Variants in PTPRM observed in about 807,000 individuals in gnomAD.
The protein encoded by PTPRM is protein tyrosine phosphatase receptor type M.
In PTPRM, 47 loss-of-function variants were observed where a neutral mutation model predicts 186.7. The observed-to-expected ratio is 0.25, with a 90% confidence interval of 0.20 to 0.32. The LOEUF is 0.32. Ranked by LOEUF, PTPRM falls within the 10% of genes least tolerant of loss-of-function variation. The pLI, the probability that PTPRM is intolerant of heterozygous loss-of-function variation, is 1.00. For synonymous variants in PTPRM, 668 were observed against 674.9 expected (o/e 0.99, Z 0.16); for missense variants, 1,494 against 1,865.0 (o/e 0.80, Z 3.66).
chr18:7,662,622 A>C (rs2039005986), intron 1 of PTPRM, among the ~76,000 whole-genome samples: 3 of 152,176 alleles, frequency 2.0e-5, no homozygotes, highest in African/African-American at 7.2e-5. Context: ...AAAAATAGAA[A>C]GAATGAATAA....
chr18:7,583,459 T>C (rs75036447), intron 1 of PTPRM, among the ~76,000 whole-genome samples: 6,281 of 152,284 alleles, frequency 0.041, 147 homozygotes, highest in South Asian at 0.085. Flanking sequence ...CTTGTCCCTG[T>C]CTGTTGGGTC....
intron 20 of PTPRM, among the ~76,000 whole-genome samples, chr18:8,304,444 T>C (rs903889269): frequency 2.6e-5 from 4 of 152,168 alleles, no homozygotes; most frequent in African/African-American, 9.7e-5. Context: ...TATGTGCCTG[T>C]TTCTTACCCA....
At chr18:8,248,652 G>GA (rs1050726649) in intron 17 of PTPRM, among the ~76,000 whole-genome samples, 6 of 152,154 alleles carry the variant, frequency 3.9e-5, no homozygotes, top group African/African-American at 1.4e-4. Context: ...ATGTCATGCA[G>GA]AAAAATGATC....
intron 13 of PTPRM, among the ~76,000 whole-genome samples, chr18:8,138,346 C>T (rs183840323): frequency 1.3e-4 from 20 of 152,152 alleles, no homozygotes; most frequent in Admixed American, 3.9e-4. Context: ...CAGGATTGCT[C>T]TCACTGGCCC....
intron 11 of PTPRM, among the ~76,000 whole-genome samples, chr18:8,092,558 G>A (rs1213063129): frequency 1.3e-5 from 2 of 152,130 alleles, no homozygotes; most frequent in African/African-American, 4.8e-5. Context: ...ATTAGAGACA[G>A]GATGCACAGT....
chr18:7,581,832 A>T (rs2036853781), intron 1 of PTPRM, among the ~76,000 whole-genome samples: 1 of 151,416 alleles, frequency 6.6e-6, no homozygotes, highest in Admixed American at 6.6e-5. Flanking sequence ...CTTCACAAAA[A>T]TTTTTTTTGA....
intron 3 of PTPRM, 33 bp from the exon 4 acceptor site, chr18:7,906,472 A>G: frequency 6.5e-7 from 1 of 1,531,214 alleles, no homozygotes; most frequent in Non-Finnish European, 9.1e-7. Flanking sequence ...AGACAAAATG[A>G]ATAAATAATG....
chr18:8,378,167 G>A, intron 26 of PTPRM, 98 bp from the exon 27 acceptor site: 1 of 1,265,620 alleles, frequency 7.9e-7, no homozygotes. Context: ...TGGAGGAACT[G>A]TCTCCACTCT....
chr18:7,679,065 T>A (rs1233811617), intron 1 of PTPRM, among the ~76,000 whole-genome samples: 1 of 152,218 alleles, frequency 6.6e-6, no homozygotes, highest in African/African-American at 2.4e-5. Context: ...TCTTTTAATG[T>A]TTTTCTAATC....
At chr18:8,077,584 C>G (rs1018983743) in intron 9 of PTPRM, among the ~76,000 whole-genome samples, 2 of 152,136 alleles carry the variant, frequency 1.3e-5, no homozygotes, top group South Asian at 4.1e-4. Context: ...ATTCATGGCT[C>G]AGCTTTTATA....
intron 7 of PTPRM, among the ~76,000 whole-genome samples, chr18:7,990,183 C>T (rs2083188732): frequency 6.6e-6 from 1 of 152,190 alleles, no homozygotes; most frequent in African/African-American, 2.4e-5. Flanking sequence ...GGATTACAGG[C>T]ATGAGCCACT....
chr18:7,617,099 A>T (rs1567985756), intron 1 of PTPRM, among the ~76,000 whole-genome samples: 1 of 152,212 alleles, frequency 6.6e-6, no homozygotes, highest in Non-Finnish European at 1.5e-5. Context: ...CCCTCTTTCC[A>T]GTAGAGAATA....
chr18:8,273,651 C>T (rs912374346), intron 19 of PTPRM, among the ~76,000 whole-genome samples: 2 of 152,176 alleles, frequency 1.3e-5, no homozygotes, highest in African/African-American at 4.8e-5. Context: ...CCAGTAAAAA[C>T]ATATTCTCAG....
chr18:8,212,029 G>C (rs1030167019), intron 14 of PTPRM, among the ~76,000 whole-genome samples: 2 of 152,106 alleles, frequency 1.3e-5, no homozygotes, highest in Admixed American at 1.3e-4. Flanking sequence ...CTGGCTGTAG[G>C]GTGAGCTGGG....
At chr18:8,152,199 G>A (rs2093024741) in intron 14 of PTPRM, among the ~76,000 whole-genome samples, 1 of 152,094 alleles carries the variant, frequency 6.6e-6, no homozygotes, top group Non-Finnish European at 1.5e-5. Flanking sequence ...ATGCTACTGT[G>A]GACTAGAAAT....
At chr18:8,036,050 A>C (rs2086305756) in intron 7 of PTPRM, among the ~76,000 whole-genome samples, 1 of 152,208 alleles carries the variant, frequency 6.6e-6, no homozygotes, top group African/African-American at 2.4e-5. Context: ...AATACAACAA[A>C]GAAGGATAGT....
intron 23 of PTPRM, among the ~76,000 whole-genome samples, chr18:8,345,650 T>C (rs1167317626): frequency 6.6e-6 from 1 of 151,162 alleles, no homozygotes; most frequent in East Asian, 1.9e-4. Context: ...TAAAAATATA[T>C]AACATTTTAT....
intron 1 of PTPRM, among the ~76,000 whole-genome samples, chr18:7,763,478 C>A (rs971608992): frequency 2.0e-4 from 30 of 152,272 alleles, no homozygotes; most frequent in African/African-American, 7.2e-4. Context: ...GACTGCATAT[C>A]TCCTTTTGAT....
At chr18:8,342,791 G>A (rs1445863274) in intron 22 of PTPRM, among the ~76,000 whole-genome samples, 1 of 152,112 alleles carries the variant, frequency 6.6e-6, no homozygotes, top group South Asian at 2.1e-4. Flanking sequence ...TCCAGCCATA[G>A]GAAAGAGCTT....
Sources: gnomAD v4.1 joint callset for allele counts (sites outside exome capture counted in the v4.1 genomes callset) on GRCh38, gnomAD v4.1.1 for gene constraint, MANE v1.5 for transcripts, NCBI Gene and HGNC (gene_info 2026-07-23, HGNC 2026-07-21) for gene names.